Variants in ASPRV1 observed in about 807,000 individuals in gnomAD.
ASPRV1 encodes aspartic peptidase retroviral like 1, also known as retroviral-like aspartic protease 1.
ASPRV1 carries 7 observed loss-of-function variants against 11.0 expected under a neutral mutation model. The ratio of observed to expected loss-of-function variants is 0.64; its 90% confidence interval spans 0.36 to 1.20. The LOEUF (loss-of-function observed/expected upper bound fraction) is 1.20, where lower values mean the gene tolerates loss of function less well. Ranked by LOEUF, ASPRV1 falls within the 50% of genes most tolerant of loss-of-function variation. The pLI is 0.02. For synonymous variants in ASPRV1, 136 were observed against 138.4 expected (o/e 0.98, Z 0.12); for missense variants, 299 against 320.0 (o/e 0.93, Z 0.50).
the ASPRV1 span, chr2:70,050,821 T>G: frequency 6.6e-6 from 1 of 152,126 alleles, no homozygotes; most frequent in African/African-American, 2.4e-5. Flanking sequence ...CAGGCGCCTG[T>G]AGGCCCAGCT....
the ASPRV1 span, among the ~76,000 whole-genome samples, chr2:70,063,670 G>A: frequency 6.6e-6 from 1 of 152,114 alleles, no homozygotes; most frequent in Admixed American, 6.6e-5. Flanking sequence ...AAAAGTTAAG[G>A]TAGGATTTCT....
the ASPRV1 span, among the ~76,000 whole-genome samples, chr2:70,034,172 A>AAAAAAAAAAAAAAAAAAAAAAAT: frequency 6.6e-6 from 1 of 151,066 alleles, no homozygotes; most frequent in Non-Finnish European, 1.5e-5. Context: ...AAAAAAAAAA[A>AAAAAAAAAAAAAAAAAAAAAAAT]AAAAAGGAAA....
chr2:70,074,133 CAAAAAAAAA>C, the ASPRV1 span, among the ~76,000 whole-genome samples: 14 of 7,814 alleles, frequency 1.8e-3, no homozygotes, highest in Non-Finnish European at 2.9e-3. Context: ...AACTTCATCT[CAAAAAAAAA>C]AAAAAAAAAA....
At chr2:70,058,423 T>C in the ASPRV1 span, among the ~76,000 whole-genome samples, 1 of 151,960 alleles carries the variant, frequency 6.6e-6, no homozygotes, top group Non-Finnish European at 1.5e-5. Flanking sequence ...TTGTATTTTT[T>C]GTAGAGACAG....
the ASPRV1 span, among the ~76,000 whole-genome samples, chr2:69,979,936 C>T: frequency 6.6e-6 from 1 of 152,188 alleles, no homozygotes; most frequent in East Asian, 1.9e-4. Context: ...TCTTCTAGTA[C>T]CTGAACAGGC....
chr2:69,935,482 G>A, the ASPRV1 span: 3 of 1,540,678 alleles, frequency 1.9e-6, no homozygotes, highest in Admixed American at 5.0e-5. Flanking sequence ...GTATTGTTGG[G>A]ATGCTGCTTT....
At chr2:70,055,176 G>C in the ASPRV1 span, among the ~76,000 whole-genome samples, 1 of 152,052 alleles carries the variant, frequency 6.6e-6, no homozygotes, top group Non-Finnish European at 1.5e-5. Context: ...GGTGGCGCAC[G>C]CCTGTAATCC....
At chr2:69,950,112 G>A in the ASPRV1 span, among the ~76,000 whole-genome samples, 8 of 152,104 alleles carry the variant, frequency 5.3e-5, no homozygotes, top group East Asian at 1.9e-4. Flanking sequence ...CACTACACCC[G>A]GCCAGCACAT....
the ASPRV1 span, chr2:69,939,220 G>A: frequency 3.9e-5 from 6 of 152,386 alleles, no homozygotes; most frequent in African/African-American, 7.3e-5. Flanking sequence ...ACTGAGCTGT[G>A]GCACTAGCAG....
At chr2:69,982,141 A>G in the ASPRV1 span, among the ~76,000 whole-genome samples, 1 of 151,896 alleles carries the variant, frequency 6.6e-6, no homozygotes, top group Admixed American at 6.6e-5. Context: ...ACAAGGATCT[A>G]CTCTTCAGAG....
the ASPRV1 span, chr2:69,988,445 C>T: frequency 4.9e-6 from 1 of 204,934 alleles, no homozygotes; most frequent in Non-Finnish European, 1.0e-5. Flanking sequence ...ATTCTACTTA[C>T]ATGAGGTGTC....
the ASPRV1 span, among the ~76,000 whole-genome samples, chr2:70,020,218 G>A: frequency 6.6e-6 from 1 of 152,126 alleles, no homozygotes; most frequent in Non-Finnish European, 1.5e-5. Flanking sequence ...ATTACCATAT[G>A]ATCTAGCAAT....
At chr2:69,940,328 T>G in the ASPRV1 span, 1 of 152,214 alleles carries the variant, frequency 6.6e-6, no homozygotes, top group Admixed American at 6.5e-5. Context: ...TGTCTGCACT[T>G]TGAGGTCCCT....
chr2:69,990,309 G>A, the ASPRV1 span, among the ~76,000 whole-genome samples: 123 of 151,976 alleles, frequency 8.1e-4, no homozygotes, highest in African/African-American at 2.6e-3. Context: ...TCAGCCTCCC[G>A]AGTAGCTGGG....
chr2:69,958,206 C>A (rs1188768883), downstream of ASPRV1, among the ~76,000 whole-genome samples: 1 of 152,224 alleles, frequency 6.6e-6, no homozygotes, highest in Non-Finnish European at 1.5e-5. Context: ...CTCTCACCCG[C>A]ATGCAGCAGC....
At chr2:69,946,761 G>A in the ASPRV1 span, among the ~76,000 whole-genome samples, 663 of 152,302 alleles carry the variant, frequency 4.4e-3, 6 homozygotes, top group African/African-American at 0.015. Flanking sequence ...TAAACCGAAA[G>A]GGGGAGCAGA....
chr2:69,992,704 G>A, the ASPRV1 span, among the ~76,000 whole-genome samples: 1 of 152,262 alleles, frequency 6.6e-6, no homozygotes, highest in African/African-American at 2.4e-5. Context: ...AGAGTGGTTT[G>A]TCTAAAATCT....
the ASPRV1 span, among the ~76,000 whole-genome samples, chr2:70,023,031 A>C: frequency 6.6e-6 from 1 of 152,210 alleles, no homozygotes; most frequent in Admixed American, 6.5e-5. Flanking sequence ...TAAAAACAAA[A>C]TCAAAATCAA....
the ASPRV1 span, chr2:69,995,388 C>CA: frequency 0.018 from 1,489 of 82,390 alleles, 7 homozygotes; most frequent in African/African-American, 0.033. Flanking sequence ...GACTCTGCCT[C>CA]AAAAAAAAAA....
Sources: gnomAD v4.1 joint callset for allele counts (sites outside exome capture counted in the v4.1 genomes callset) on GRCh38, gnomAD v4.1.1 for gene constraint, MANE v1.5 for transcripts, NCBI Gene and HGNC (gene_info 2026-07-23, HGNC 2026-07-21) for gene names.